WDR44: variants seen among roughly 807,000 people sequenced by gnomAD.
WDR44 encodes WD repeat domain 44.
In WDR44, 9 loss-of-function variants were observed where a neutral mutation model predicts 65.7. The observed-to-expected ratio is 0.14, with a 90% CI of 0.08 to 0.24. WDR44 has a LOEUF of 0.24. Ranked by LOEUF, WDR44 falls within the 10% of genes least tolerant of loss-of-function variation. The probability of loss-of-function intolerance (pLI) is 1.00; values close to 1 mark genes in which losing one functional copy is unlikely to be tolerated. For synonymous variants in WDR44, 220 were observed against 235.2 expected (o/e 0.94, Z 0.59); for missense variants, 425 against 670.9 (o/e 0.63, Z 4.05).
chrX:118,387,483 C>T, intron 3 of WDR44, 69 bp downstream of exon 3: 2 of 750,062 alleles, frequency 2.7e-6, no homozygotes, highest in Non-Finnish European at 3.8e-6. Context: ...TTTCAAACAG[C>T]TTTTATATTC....
intron 14 of WDR44, among the ~76,000 whole-genome samples, 164 bp from the exon 15 acceptor site, chrX:118,441,204 G>A (rs756100062): frequency 1.6e-3 from 182 of 110,832 alleles, no homozygotes; most frequent in Non-Finnish European, 2.8e-3. Context: ...GTGATCCACT[G>A]CCTTGGCCTC....
At chrX:118,368,483 T>TATATATATATATATATAAC (rs1569359132) in intron 1 of WDR44, among the ~76,000 whole-genome samples, 2 of 87,638 alleles carry the variant, frequency 2.3e-5, no homozygotes, top group Admixed American at 1.4e-4. Flanking sequence ...ATATATATAC[T>TATATATATATATATATAAC]TCTTGAGGAC....
intron 14 of WDR44, 123 bp from the exon 15 acceptor site, chrX:118,441,245 C>T (rs748184011): frequency 6.7e-5 from 43 of 638,801 alleles, no homozygotes; most frequent in Non-Finnish European, 9.1e-5. Flanking sequence ...AGGCGTGAGC[C>T]ACCGCACCTG....
In WDR44 at chrX:118,394,093, G is replaced by T; in HGVS notation, c.865G>T (p.Ala289Ser). Reference sequence around the variant, plus strand: ...TATTACGTCTGATTCTCTCCTAACCGCAAGCATGGCTTCAGAAAGTACGGT... The same window carrying T: ...TATTACGTCTGATTCTCTCCTAACCTCAAGCATGGCTTCAGAAAGTACGGT... Reference protein sequence around the residue: ...ENITSDSLLTASMASESTVKD... With the variant: ...ENITSDSLLTSSMASESTVKD... The change falls in exon 5 of 20, where the codon GCA (alanine) becomes TCA (serine). Residue 289 changes from alanine (A) to serine (S), a missense_variant. By Grantham distance (99) the Ala-to-Ser change is moderately conservative. Transcript: ENST00000254029. 1.7e-6 allele frequency: 2 copies of T among 1,210,173 alleles called. No individual in the cohort carries two copies. The highest frequency in any genetic ancestry group is 2.2e-6 in the Non-Finnish European group (2 of 894,556).
chrX:118,405,627 A>G (rs1306087267), intron 9 of WDR44, among the ~76,000 whole-genome samples: 1 of 111,654 alleles, frequency 9.0e-6, no homozygotes, highest in Non-Finnish European at 1.9e-5. Flanking sequence ...AGCGTGAGCC[A>G]CCGCGCCTGG....
At chrX:118,434,675 C>T (rs2057239481) in intron 13 of WDR44, among the ~76,000 whole-genome samples, 1 of 111,226 alleles carries the variant, frequency 9.0e-6, no homozygotes, top group African/African-American at 3.3e-5. Context: ...TCCTCATATC[C>T]CCAACCCCTC....
intron 1 of WDR44, among the ~76,000 whole-genome samples, chrX:118,352,419 C>A (rs1174722245): frequency 1.2e-5 from 1 of 86,179 alleles, no homozygotes; most frequent in African/African-American, 4.4e-5. Context: ...TCTCAAACTC[C>A]TGGGCTCAAC....
At chrX:118,400,938 C>A (rs1243326897) in intron 8 of WDR44, among the ~76,000 whole-genome samples, 2 of 91,913 alleles carry the variant, frequency 2.2e-5, no homozygotes, top group African/African-American at 8.4e-5. Flanking sequence ...TTTGTTCTTG[C>A]GATAGTTTAC....
intron 4 of WDR44, 119 bp downstream of exon 4, chrX:118,393,390 G>A: frequency 1.3e-6 from 1 of 770,700 alleles, no homozygotes. Flanking sequence ...GACCAGCCTG[G>A]GCAACATGGC....
chrX:118,371,831 GA>G (rs2056615838), intron 1 of WDR44, among the ~76,000 whole-genome samples: 1 of 110,670 alleles, frequency 9.0e-6, no homozygotes, highest in South Asian at 3.7e-4. Context: ...AGAGTTTTCT[GA>G]AAAATTTTCC....
intron 1 of WDR44, among the ~76,000 whole-genome samples, chrX:118,352,161 T>TG (rs1261697627): frequency 7.1e-5 from 7 of 98,411 alleles, no homozygotes; most frequent in East Asian, 3.2e-4. Context: ...TTTTGTTTTT[T>TG]TTTTTGAGAC....
intron 12 of WDR44, 61 bp from the exon 13 acceptor site, chrX:118,432,720 G>A (rs959248875): frequency 3.7e-5 from 37 of 989,236 alleles, no homozygotes; most frequent in Non-Finnish European, 5.1e-5. Flanking sequence ...CAGATGGGGT[G>A]GGAAGAATGT....
intron 1 of WDR44, among the ~76,000 whole-genome samples, chrX:118,357,638 C>T (rs772182009): frequency 1.0e-4 from 11 of 108,660 alleles, no homozygotes; most frequent in Non-Finnish European, 1.7e-4. Flanking sequence ...TCCCAGCTAC[C>T]CAGGAGGTTG....
chrX:118,431,889 G>A (rs979721861), intron 12 of WDR44, among the ~76,000 whole-genome samples: 6 of 94,410 alleles, frequency 6.4e-5, no homozygotes, highest in African/African-American at 1.5e-4. Context: ...GGGGTTTGTT[G>A]TGTGTTTTGT....
At chrX:118,394,960 A>G (rs1276228035) in intron 5 of WDR44, among the ~76,000 whole-genome samples, 1 of 112,281 alleles carries the variant, frequency 8.9e-6, no homozygotes, top group Non-Finnish European at 1.9e-5. Context: ...CATACAGTCC[A>G]GATTAATAGC....
intron 3 of WDR44, among the ~76,000 whole-genome samples, chrX:118,389,949 A>G (rs2056804591): frequency 9.2e-6 from 1 of 108,727 alleles, no homozygotes; most frequent in Non-Finnish European, 1.9e-5. Context: ...GCTAGAGTGC[A>G]GTGGTGTGAT....
chrX:118,380,268 G>A (rs983367519), intron 2 of WDR44, among the ~76,000 whole-genome samples: 7 of 110,914 alleles, frequency 6.3e-5, no homozygotes, highest in Non-Finnish European at 5.7e-5. Flanking sequence ...GGTGCAATGC[G>A]AGTGTATAGT....
rs59731854 is a variant in WDR44 at position 118,354,419 on chromosome X, T to TA, written c.77+7854dup. On this transcript the variant is annotated intron_variant, in intron 1 of 19. Transcript: ENST00000254029. The stretch of plus-strand genomic sequence containing the variant: ...GGCGATGGAGCCAGACTCTGTCTCT[T>TA]AAAAAAAAAAAAAAACTATAGTTAA... 5.9e-3 allele frequency among the ~76,000 whole-genome samples: 571 copies of TA among 96,115 alleles called. 2 individuals are homozygous for TA. The highest frequency in any genetic ancestry group is 0.015 in the Middle Eastern group (3 of 195). 83.5% of individuals were successfully genotyped at this position (96,115 alleles called of 115,157 possible).
In WDR44 at chrX:118,393,973, A is replaced by G. The variant is rs1456365541; in HGVS notation, c.827-82A>G. 18 of 924,573 alleles carry G rather than the reference A, an allele frequency of 1.9e-5. No homozygotes were observed. The Admixed American group carries it at 4.6e-4, about 24-fold the overall frequency. 76.2% of individuals were successfully genotyped at this position (924,573 alleles called of 1,213,427 possible). ...TTTCCCTGTATAGGAAATGAGAGTA[A>G]TCAAGCCACTTTCCTCACAGGGTTG... On this transcript the variant is annotated intron_variant, in intron 4 of 19. Transcript: ENST00000254029.
Sources: gnomAD v4.1 joint callset for allele counts (sites outside exome capture counted in the v4.1 genomes callset) on GRCh38, gnomAD v4.1.1 for gene constraint, MANE v1.5 for transcripts, NCBI Gene and HGNC (gene_info 2026-07-23, HGNC 2026-07-21) for gene names.